CSMD1: variants seen among roughly 807,000 people sequenced by gnomAD.
CSMD1 encodes CUB and sushi domain-containing protein 1.
In CSMD1, 213 loss-of-function variants were observed where a neutral mutation model predicts 417.5. The observed-to-expected ratio is 0.51, with a 90% CI of 0.46 to 0.57. The LOEUF (loss-of-function observed/expected upper bound fraction) is 0.57. Ranked by LOEUF, CSMD1 falls within the 20% of genes least tolerant of loss-of-function variation. CSMD1 has a pLI of 0.00. For missense variants in CSMD1, 6,923 were observed against 4,529.7 expected, an observed-to-expected ratio of 1.53 and a Z score of -15.17; for synonymous variants, 2,862 against 1,736.8, an observed-to-expected ratio of 1.65 and a Z score of -16.11.
intron 10 of CSMD1, among the ~76,000 whole-genome samples, chr8:3,503,710 C>A (rs1796702353): frequency 6.6e-6 from 1 of 152,216 alleles, no homozygotes; most frequent in Non-Finnish European, 1.5e-5. Context: ...CCCCCATCCA[C>A]TGGAAAGGAT....
chr8:4,222,301 G>A (rs1288149019), intron 3 of CSMD1, among the ~76,000 whole-genome samples: 3 of 151,906 alleles, frequency 2.0e-5, no homozygotes, highest in African/African-American at 7.3e-5. Context: ...TAATTTTTAG[G>A]CAATTTGGAA....
intron 1 of CSMD1, among the ~76,000 whole-genome samples, chr8:4,887,143 C>T (rs973651086): frequency 1.3e-5 from 2 of 151,984 alleles, no homozygotes; most frequent in Non-Finnish European, 2.9e-5. Context: ...CCCAGTTTTA[C>T]CTGCATTCCA....
chr8:4,683,714 G>A (rs1806190810), intron 1 of CSMD1, among the ~76,000 whole-genome samples: 1 of 152,178 alleles, frequency 6.6e-6, no homozygotes, highest in African/African-American at 2.4e-5. Context: ...CAGGGGTCCT[G>A]ATTTACTGGT....
intron 5 of CSMD1, among the ~76,000 whole-genome samples, chr8:3,813,254 G>A (rs1413030461): frequency 6.6e-6 from 1 of 151,978 alleles, no homozygotes; most frequent in Non-Finnish European, 1.5e-5. Flanking sequence ...CATTAAGATA[G>A]CAATCAAATT....
chr8:3,313,506 A>G (rs1469477384), intron 23 of CSMD1, among the ~76,000 whole-genome samples: 1 of 152,234 alleles, frequency 6.6e-6, no homozygotes, highest in East Asian at 1.9e-4. Flanking sequence ...AAGACACATG[A>G]AAAAATGCTC....
At chr8:4,079,062 A>G (rs1446186248) in intron 3 of CSMD1, among the ~76,000 whole-genome samples, 2 of 151,812 alleles carry the variant, frequency 1.3e-5, no homozygotes, top group Admixed American at 6.6e-5. Context: ...GTGGTCCCGA[A>G]TGGAACTTAT....
chr8:4,071,217 G>A (rs1242829375), intron 3 of CSMD1, among the ~76,000 whole-genome samples: 1 of 151,702 alleles, frequency 6.6e-6, no homozygotes. Flanking sequence ...CGGAGTTTCA[G>A]CTAAACGTCT....
chr8:4,966,209 CAA>C (rs33941630), intron 1 of CSMD1, among the ~76,000 whole-genome samples: 6,742 of 88,988 alleles, frequency 0.076, 195 homozygotes, highest in Non-Finnish European at 0.094. Context: ...ACTAAATATA[CAA>C]AAAAAAAAAA....
At chr8:4,636,584 C>G (rs879737140) in intron 2 of CSMD1, among the ~76,000 whole-genome samples, 5 of 152,180 alleles carry the variant, frequency 3.3e-5, no homozygotes, top group Admixed American at 1.3e-4. Context: ...TTCTCTCAAA[C>G]TCACAGTTGC....
At chr8:3,772,215 CATATAAT>C (rs1798616153) in intron 5 of CSMD1, among the ~76,000 whole-genome samples, 1 of 122,278 alleles carries the variant, frequency 8.2e-6, no homozygotes, top group Non-Finnish European at 1.8e-5. Flanking sequence ...CACACACACA[CATATAAT>C]ACACACACAT....
chr8:3,430,110 T>A (rs1306813555), intron 12 of CSMD1, among the ~76,000 whole-genome samples: 2 of 152,192 alleles, frequency 1.3e-5, no homozygotes, highest in Admixed American at 6.5e-5. Context: ...CATGCACATA[T>A]ACATATATAC....
At chr8:4,533,697 T>C (rs537554660) in intron 2 of CSMD1, among the ~76,000 whole-genome samples, 2 of 152,210 alleles carry the variant, frequency 1.3e-5, no homozygotes, top group East Asian at 3.9e-4. Context: ...TCAAAAAGTT[T>C]ACAAATGACT....
chr8:3,399,543 T>C lies in CSMD1; in HGVS notation c.2267-14A>G, dbSNP rs760300316. On this transcript the variant is annotated splice_polypyrimidine_tract_variant and intron_variant, in intron 15 of 69. Coordinates refer to ENST00000635120, the MANE Select transcript of CSMD1 (RefSeq NM_033225.6). ...CACCACATGGAGCTAAAACAAGACG[T>C]AGAATATCTATTAGATCCAATGAGA... is the stretch of plus-strand genomic sequence containing the variant. 5.1e-6 allele frequency: 8 copies of C among 1,568,770 alleles called. No homozygotes were observed. The East Asian group carries it at 1.6e-4, about 31-fold the overall frequency.
chr8:3,897,867 C>G (rs1007079600), intron 5 of CSMD1, among the ~76,000 whole-genome samples: 3 of 152,078 alleles, frequency 2.0e-5, no homozygotes, highest in African/African-American at 7.2e-5. Flanking sequence ...CTTCTTATAG[C>G]CTATGGAATC....
At chr8:4,259,665 G>A (rs930605338) in intron 3 of CSMD1, among the ~76,000 whole-genome samples, 4 of 152,030 alleles carry the variant, frequency 2.6e-5, no homozygotes, top group African/African-American at 7.2e-5. Flanking sequence ...TCCCCTACTG[G>A]CAGTACTGGG....
In CSMD1 at chr8:2,937,050, G is replaced by A. The variant is rs1011922463; in HGVS notation, c.*1535C>T. 6.6e-6 allele frequency: 1 copy of A among 151,874 alleles called. No homozygotes were observed. Among genetic ancestry groups the A allele is most frequent in the African/African-American group, 2.4e-5 (1 of 41,176 alleles). The allele number at this position is 151,874 out of a possible 1,614,324, so 9.4% of individuals were successfully genotyped here. ...TTTCAAAAATATTTTTATCAAATAA[G>A]TATAAGTAAAAGTAAACATGATTTT... On this transcript the variant is annotated 3_prime_UTR_variant, in exon 70 of 70. Transcript: ENST00000635120.
At chr8:4,173,106 C>T (rs1048377338) in intron 3 of CSMD1, among the ~76,000 whole-genome samples, 1 of 152,050 alleles carries the variant, frequency 6.6e-6, no homozygotes, top group Non-Finnish European at 1.5e-5. Flanking sequence ...GTATGAACCA[C>T]ACGGAGGAAG....
At chr8:4,078,046 G>C (rs1357883065) in intron 3 of CSMD1, among the ~76,000 whole-genome samples, 1 of 151,994 alleles carries the variant, frequency 6.6e-6, no homozygotes, top group East Asian at 1.9e-4. Flanking sequence ...CCACCAGTAG[G>C]GAGTAGGAAA....
chr8:3,459,481 G>T (rs974175626), intron 12 of CSMD1, among the ~76,000 whole-genome samples: 4 of 152,130 alleles, frequency 2.6e-5, no homozygotes, highest in African/African-American at 9.7e-5. Context: ...AAGACCCCTG[G>T]GTGATCTCCA....
Sources: gnomAD v4.1 joint callset for allele counts (sites outside exome capture counted in the v4.1 genomes callset) on GRCh38, gnomAD v4.1.1 for gene constraint, MANE v1.5 for transcripts, NCBI Gene and HGNC (gene_info 2026-07-23, HGNC 2026-07-21) for gene names.